CACNG6: variants seen among roughly 807,000 people sequenced by gnomAD.
CACNG6 encodes the protein voltage-dependent calcium channel gamma-6 subunit.
CACNG6 carries 21 observed loss-of-function variants against 23.9 expected under a neutral mutation model. The ratio of observed to expected loss-of-function variants is 0.88; its 90% CI spans 0.62 to 1.26. The LOEUF (loss-of-function observed/expected upper bound fraction) is 1.26, where lower values mean the gene tolerates loss of function less well. Among genes scored for constraint, CACNG6 ranks in the 50% most tolerant of loss-of-function variants. The pLI is 0.00. For missense variants in CACNG6, 340 were observed against 352.9 expected (o/e 0.96, Z 0.29); for synonymous variants, 182 against 168.9 (o/e 1.08, Z -0.60).
At chr19:54,004,393 T>TGTGTGTG (rs2069616005) in intron 3 of CACNG6, among the ~76,000 whole-genome samples, 1 of 121,102 alleles carries the variant, frequency 8.3e-6, no homozygotes, top group Admixed American at 9.2e-5. Context: ...GTGTGTGTGT[T>TGTGTGTG]TAGTAGAGAT....
intron 1 of CACNG6, among the ~76,000 whole-genome samples, chr19:53,995,695 C>T (rs1367224375): frequency 1.3e-5 from 2 of 152,228 alleles, no homozygotes; most frequent in Non-Finnish European, 2.9e-5. Flanking sequence ...GAGTTTTGCT[C>T]TTGTTGCCCC....
intron 3 of CACNG6, 70 bp downstream of exon 3, chr19:53,999,841 G>T: frequency 6.4e-7 from 1 of 1,561,510 alleles, no homozygotes; most frequent in Non-Finnish European, 8.7e-7. Context: ...GTTGCATGCT[G>T]GGAGATGGGG....
At chr19:53,996,139 A>G (rs1273572603) in intron 1 of CACNG6, among the ~76,000 whole-genome samples, 2 of 152,094 alleles carry the variant, frequency 1.3e-5, no homozygotes, top group Non-Finnish European at 2.9e-5. Context: ...TGAAAAGTTC[A>G]ATTTTTCACA....
Position 53,992,980 on chromosome 19 carries a change from C to A in CACNG6, c.103C>A (p.Arg35Ser), listed in dbSNP as rs1157004921. 7.0e-7 allele frequency: 1 copy of A among 1,435,086 alleles called. No individual in the cohort carries two copies. The highest frequency in any genetic ancestry group is 9.1e-7 in the Non-Finnish European group (1 of 1,097,432). 88.9% of individuals were successfully genotyped at this position (1,435,086 alleles called of 1,614,324 possible). ...GQGRSGLTPE[R>S]EGKVKLALLL... is the part of the protein sequence containing the mutation. Reference sequence around the variant, plus strand: ...GGGCAGGTCGGGGCTGACGCCCGAGCGCGAGGGGAAGGTGAAGCTGGCGCT... The same window carrying A: ...GGGCAGGTCGGGGCTGACGCCCGAGAGCGAGGGGAAGGTGAAGCTGGCGCT... Residue 35 changes from arginine to serine, a missense_variant, in exon 1 of 4, where the codon CGC becomes AGC. Coordinates refer to ENST00000252729, the MANE Select transcript of CACNG6 (RefSeq NM_145814.2). The surrounding 1 kb of genome is among the most constrained non-coding windows in gnomAD (Gnocchi z 4.1).
chr19:53,991,445 G>C (rs1253486547), upstream of CACNG6, among the ~76,000 whole-genome samples: 3 of 151,920 alleles, frequency 2.0e-5, no homozygotes, highest in Non-Finnish European at 4.4e-5. Context: ...ATCAGGCTCG[G>C]CCCCTTCCTC....
At chr19:54,004,186 G>A (rs897965620) in intron 3 of CACNG6, among the ~76,000 whole-genome samples, 3 of 151,710 alleles carry the variant, frequency 2.0e-5, no homozygotes, top group Non-Finnish European at 2.9e-5. Flanking sequence ...TTGAGACGGA[G>A]TTTCGCTCTT....
chr19:54,004,928 AGAGG>A (rs1293607134), intron 3 of CACNG6, among the ~76,000 whole-genome samples: 4 of 146,042 alleles, frequency 2.7e-5, no homozygotes, highest in Non-Finnish European at 5.9e-5. Context: ...AATAAATAAA[AGAGG>A]GGGGCGCGGT....
chr19:54,009,472 C>T (rs1394848980), intron 3 of CACNG6, among the ~76,000 whole-genome samples: 1 of 150,952 alleles, frequency 6.6e-6, no homozygotes, highest in African/African-American at 2.4e-5. Context: ...AAAAAATTAG[C>T]CAGGCGTGGT....
chr19:54,010,141 C>T (rs1364373997), intron 3 of CACNG6, among the ~76,000 whole-genome samples: 15 of 150,650 alleles, frequency 1.0e-4, no homozygotes, highest in Admixed American at 2.0e-4. Context: ...CTGCCTCAGC[C>T]TCCCGAGTAG....
chr19:53,999,551 C>G, intron 2 of CACNG6, 83 bp from the exon 3 acceptor site: 1 of 1,487,052 alleles, frequency 6.7e-7, no homozygotes, highest in Admixed American at 2.0e-5. Flanking sequence ...CTTACATCTT[C>G]CTGGTTCTGG....
intron 3 of CACNG6, among the ~76,000 whole-genome samples, chr19:54,005,935 C>T (rs2069638983): frequency 6.6e-6 from 1 of 151,048 alleles, no homozygotes. Flanking sequence ...ACTAAAAATA[C>T]AAAAATTAGC....
upstream of CACNG6, among the ~76,000 whole-genome samples, chr19:53,991,580 G>GAGGGTGA (rs1250478861): frequency 4.6e-5 from 5 of 108,822 alleles, no homozygotes; most frequent in African/African-American, 1.4e-4. Context: ...CCCGAGGGTG[G>GAGGGTGA]AGGGTGGAGG....
chr19:54,002,267 G>GTTTTTTT lies in CACNG6; in HGVS notation c.544+2497_544+2503dup, dbSNP rs138464456. 6.8e-4 allele frequency among the ~76,000 whole-genome samples: 90 copies of GTTTTTTT among 131,930 alleles called. 9 individuals carry two copies. The highest frequency in any genetic ancestry group is 3.9e-3 in the Middle Eastern group (1 of 256). 86.6% of individuals were successfully genotyped at this position (131,930 alleles called of 152,430 possible). ...TGCCGCCAAGCCCGGCTAATTTTCG[G>GTTTTTTT]TTTTTTTGTTTTTTTTGTTTTTTTT... On this transcript the variant is annotated intron_variant, in intron 3 of 3. Coordinates refer to ENST00000252729, the MANE Select transcript of CACNG6 (RefSeq NM_145814.2).
At chr19:53,997,122 G>A (rs990815876) in intron 1 of CACNG6, among the ~76,000 whole-genome samples, 4 of 151,800 alleles carry the variant, frequency 2.6e-5, no homozygotes, top group Admixed American at 1.3e-4. Context: ...CTCCTGCCTC[G>A]GCCTCCCAAA....
chr19:54,007,697 G>T (rs551981666), intron 3 of CACNG6, among the ~76,000 whole-genome samples: 1 of 152,038 alleles, frequency 6.6e-6, no homozygotes, highest in Non-Finnish European at 1.5e-5. Flanking sequence ...AGGAGTTTGA[G>T]ACCAGCCCGG....
intron 1 of CACNG6, 51 bp downstream of exon 1, chr19:53,993,259 G>T: frequency 6.7e-7 from 1 of 1,490,120 alleles, no homozygotes; most frequent in African/African-American, 1.4e-5. Flanking sequence ...GGACAGGGAG[G>T]GAGAGGGGCC....
intron 3 of CACNG6, among the ~76,000 whole-genome samples, chr19:54,002,570 A>G (rs2069592132): frequency 6.6e-6 from 1 of 151,202 alleles, no homozygotes; most frequent in Non-Finnish European, 1.5e-5. Context: ...GGAGCCGCTG[A>G]GGACGCAACG....
At chr19:54,007,034 G>T (rs167417) in intron 3 of CACNG6, among the ~76,000 whole-genome samples, 112,595 of 150,436 alleles carry the variant, frequency 0.75, 42,702 homozygotes, top group East Asian at 0.95. Context: ...TTATCTGTTT[G>T]TGTGTGTGTG....
intron 3 of CACNG6, among the ~76,000 whole-genome samples, chr19:54,009,649 G>A (rs1426443919): frequency 5.3e-5 from 8 of 151,920 alleles, no homozygotes; most frequent in Non-Finnish European, 1.2e-4. Context: ...ACTTTCTCAT[G>A]CCCCCTGCAG....
Sources: gnomAD v4.1 joint callset for allele counts (sites outside exome capture counted in the v4.1 genomes callset) on GRCh38, gnomAD v4.1.1 for gene constraint, Gnocchi (gnomAD v3.1) non-coding constraint, MANE v1.5 for transcripts, NCBI Gene and HGNC (gene_info 2026-07-23, HGNC 2026-07-21) for gene names.